COCH: variants seen among roughly 807,000 people sequenced by gnomAD.
COCH encodes cochlin.
In COCH, 40 loss-of-function variants were observed where a neutral mutation model predicts 54.8. The observed-to-expected ratio is 0.73, with a 90% CI of 0.57 to 0.95. COCH has a LOEUF of 0.95. COCH is among the 40% of genes least tolerant of loss of function. The pLI, the probability that COCH is intolerant of heterozygous loss-of-function variation, is 0.00. For synonymous variants in COCH, 256 were observed against 237.9 expected (o/e 1.08, Z -0.70); for missense variants, 605 against 675.0 (o/e 0.90, Z 1.15).
rs12101040 is a variant in COCH, at chr14:30,889,549, T to C, written c.1478-67T>C. 1.7e-3 allele frequency: 2,422 copies of C among 1,388,072 alleles called. 44 individuals are homozygous for C. The African/African-American group carries it at 0.029, about 17-fold the overall frequency. The allele number at this position is 1,388,072 out of a possible 1,614,324, so 86.0% of individuals were successfully genotyped here. A position where few individuals can be genotyped will look rare whatever the true frequency, so the allele number is the denominator to read the frequency against. ...ACTATGTAACAGTGTATGGAAAACA[T>C]ATAGACATAATTCCATATATTAGCT... On this transcript the variant is annotated intron_variant, in intron 11 of 11. Transcript: ENST00000396618.
intron 8 of COCH, among the ~76,000 whole-genome samples, chr14:30,882,267 T>A (rs993911067): frequency 6.6e-6 from 1 of 151,198 alleles, no homozygotes; most frequent in Admixed American, 6.6e-5. Flanking sequence ...GTAGCTGGGA[T>A]CACAGGTGTG....
Position 30,885,931 on chromosome 14 carries a change from G to T in COCH, c.1096G>T (p.Val366Leu), listed in dbSNP as rs1301236985. ...MMCSKTCYNS[V>L]NIAFLIDGSS... Reference sequence around the variant, plus strand: ...GTGCAGCAAGACCTGTTATAACTCAGTGAACATTGCCTTTCTAATTGATGG... The same window carrying T: ...GTGCAGCAAGACCTGTTATAACTCATTGAACATTGCCTTTCTAATTGATGG... The change falls in exon 11 of 12, where the codon GTG becomes TTG. Residue 366 changes from valine to leucine, a missense_variant. By Grantham distance (32) the Val-to-Leu change is conservative (BLOSUM62 1). Transcript: ENST00000396618. 1.2e-6 allele frequency: 2 copies of T among 1,614,102 alleles called. No homozygotes were observed. Among genetic ancestry groups the T allele is most frequent in the Non-Finnish European group, 1.7e-6 (2 of 1,180,044 alleles).
At chr14:30,880,346 G>T in intron 6 of COCH, 106 bp from the exon 7 acceptor site, 1 of 1,509,936 alleles carries the variant, frequency 6.6e-7, no homozygotes, top group Non-Finnish European at 9.0e-7. Flanking sequence ...TTTTAAAAAA[G>T]TCCTTTCAAG....
rs886050445 is a variant in COCH, at chr14:30,890,066, C to T, written c.*275C>T. On this transcript the variant is annotated 3_prime_UTR_variant, in exon 12 of 12. Transcript: ENST00000396618. ...AATGTGGATTAAAACCTTAAGAGTT[C>T]TAACCATGCCTACTAAATGTACAGA... The T allele has an allele frequency of 9.9e-6, 11 of 1,114,346 alleles. No individual in the cohort carries two copies. Among genetic ancestry groups the T allele is most frequent in the Non-Finnish European group, 1.2e-5 (11 of 909,402 alleles). The allele number at this position is 1,114,346 out of a possible 1,614,324, so 69.0% of individuals were successfully genotyped here. A position where few individuals can be genotyped will look rare whatever the true frequency, so the allele number is the denominator to read the frequency against.
In COCH at chr14:30,885,620, G is replaced by A. The variant is rs762762265; in HGVS notation, c.960G>A (p.Lys320=). The change falls in exon 10 of 12, where the codon AAG becomes AAA. Residue 320 remains lysine, a splice_region_variant and synonymous_variant. Transcript: ENST00000396618. ...GMVQDVTFVD[K]AVCRNNGFFS... is the part of the protein sequence containing the mutation. ...TTCAGGATGTCACATTTGTTGACAA[G>A]GTAAAGTGGTGAGGGTTATCTTCTG... The A allele has an allele frequency of 6.3e-7, 1 of 1,578,850 alleles. No homozygotes were observed. The highest frequency in any genetic ancestry group is 8.7e-7 in the Non-Finnish European group (1 of 1,147,966).
At chr14:30,889,484 G>A (rs999437486) in intron 11 of COCH, 132 bp from the exon 12 acceptor site, 25 of 791,996 alleles carry the variant, frequency 3.2e-5, no homozygotes, top group Non-Finnish European at 5.0e-5. Context: ...TTGTTCAGGG[G>A]ATTTAATTGT....
Position 30,877,645 on chromosome 14 carries a change from G to A in COCH, c.156G>A (p.Gly52=), listed in dbSNP as rs774167584. ...AGAAAGCAGATGTCCTCTGCCCAGG[G>A]GGCTGCCCTCTTGAGGAATTCTCTG... ...RKEKADVLCP[G]GCPLEEFSVY... is the part of the protein sequence containing the mutation. Residue 52 remains glycine, a synonymous_variant, in exon 4 of 12, where the codon GGG becomes GGA. Transcript: ENST00000396618. The surrounding 1 kb of genome is among the most constrained non-coding windows in gnomAD (Gnocchi z 8.6). 5.6e-6 allele frequency: 9 copies of A among 1,614,064 alleles called. No homozygotes were observed. Among genetic ancestry groups the A allele is most frequent in the Middle Eastern group, 1.6e-4 (1 of 6,084 alleles).
In COCH at chr14:30,880,438, A is replaced by G; in HGVS notation, c.437-14A>G. 1.2e-6 allele frequency: 2 copies of G among 1,613,732 alleles called. No individual in the cohort carries two copies. Among genetic ancestry groups the G allele is most frequent in the Non-Finnish European group, 1.7e-6 (2 of 1,179,746 alleles). ...TCTTCCTTTTGTTAATGCCAAGTGC[A>G]TCTTTTATTTCAGGTAAACGACTAA... On this transcript the variant is annotated splice_polypyrimidine_tract_variant and intron_variant, in intron 6 of 11. Coordinates refer to ENST00000396618, the MANE Select transcript of COCH (RefSeq NM_004086.3).
downstream of COCH, chr14:30,894,774 T>A: frequency 4.4e-6 from 1 of 225,328 alleles, no homozygotes. Flanking sequence ...AAAACTTCAA[T>A]ACAATCTTGA....
downstream of COCH, chr14:30,895,431 GAGCATC>G: frequency 6.2e-7 from 1 of 1,604,456 alleles, no homozygotes; most frequent in Non-Finnish European, 8.5e-7. Flanking sequence ...ACTTTGGCAA[GAGCATC>G]AGCTCCTGCA....
intron 5 of COCH, 99 bp from the exon 6 acceptor site, chr14:30,879,324 C>T (rs1895485632): frequency 1.7e-6 from 2 of 1,178,560 alleles, no homozygotes; most frequent in Admixed American, 1.9e-5. Flanking sequence ...ATCACCATTA[C>T]CCTATTACAT....
chr14:30,874,984 C>G lies in COCH; in HGVS notation c.34+12C>G. ...GGCTCTCGGCCTCGGTGGGTGCGCG[C>G]CCCTCACGACCCCGGCCCCTTGCTC... On this transcript the variant is annotated intron_variant, in intron 2 of 11. Coordinates refer to ENST00000396618, the MANE Select transcript of COCH (RefSeq NM_004086.3). 1 of 1,613,138 alleles carries G rather than the reference C, an allele frequency of 6.2e-7. No individual in the cohort carries two copies. The highest frequency in any genetic ancestry group is 8.5e-7 in the Non-Finnish European group (1 of 1,179,854).
In COCH at chr14:30,877,797, C is replaced by T; in HGVS notation, c.239+69C>T. 2 of 1,605,838 alleles carry T rather than the reference C, an allele frequency of 1.2e-6. No individual in the cohort carries two copies. Among genetic ancestry groups the T allele is most frequent in the African/African-American group, 1.4e-5 (1 of 73,108 alleles). On this transcript the variant is annotated intron_variant, in intron 4 of 11. Transcript: ENST00000396618. This position sits in a 1 kb window ranked among gnomAD's most constrained non-coding sequence, Gnocchi z 8.6. ...TTATTTCCTTTCCTGCTTTACCCAT[C>T]TGGATCCCTTTCCTCCCTGCATTCT...
At chr14:30,888,152 T>A (rs1895855419) in intron 11 of COCH, among the ~76,000 whole-genome samples, 1 of 151,868 alleles carries the variant, frequency 6.6e-6, no homozygotes, top group South Asian at 2.1e-4. Context: ...TAACTGTAAT[T>A]ATATGCTGGG....
chr14:30,890,235 A>G lies in COCH; in HGVS notation c.*444A>G. ...CAGCTCTTTAACATGGTTCAGGTACACATATTTTGACCCAAGTGGATATTT... is the reference window on the plus strand; with the variant it reads ...CAGCTCTTTAACATGGTTCAGGTACGCATATTTTGACCCAAGTGGATATTT... On this transcript the variant is annotated 3_prime_UTR_variant, in exon 12 of 12. Coordinates refer to ENST00000396618, the MANE Select transcript of COCH (RefSeq NM_004086.3). 15 of 987,190 alleles carry G rather than the reference A, an allele frequency of 1.5e-5. No individual in the cohort carries two copies. Among genetic ancestry groups the G allele is most frequent in the Non-Finnish European group, 1.8e-5 (15 of 831,036 alleles). The allele number at this position is 987,190 out of a possible 1,614,324, so 61.2% of individuals were successfully genotyped here.
chr14:30,890,229 A>G lies in COCH; in HGVS notation c.*438A>G, dbSNP rs1005344363. The G allele has an allele frequency of 1.0e-6, 1 of 987,820 alleles. No homozygotes were observed. The highest frequency in any genetic ancestry group is 1.7e-5 in the African/African-American group (1 of 57,278). The allele number at this position is 987,820 out of a possible 1,614,324, so 61.2% of individuals were successfully genotyped here. ...TGAACACAGCTCTTTAACATGGTTC[A>G]GGTACACATATTTTGACCCAAGTGG... On this transcript the variant is annotated 3_prime_UTR_variant, in exon 12 of 12. Transcript: ENST00000396618.
chr14:30,890,223 T>C lies in COCH; in HGVS notation c.*432T>C, dbSNP rs867385285. The C allele has an allele frequency of 7.9e-5, 78 of 990,074 alleles. No homozygotes were observed. In the Middle Eastern group the frequency reaches 1.6e-3, roughly 20 times the overall value. 61.3% of individuals were successfully genotyped at this position (990,074 alleles called of 1,614,324 possible). The stretch of plus-strand genomic sequence containing the variant: ...CTTAAATGAACACAGCTCTTTAACA[T>C]GGTTCAGGTACACATATTTTGACCC... On this transcript the variant is annotated 3_prime_UTR_variant, in exon 12 of 12. Coordinates refer to ENST00000396618, the MANE Select transcript of COCH (RefSeq NM_004086.3).
At chr14:30,892,258 ATATAC>A (rs2138907573), downstream of COCH, among the ~76,000 whole-genome samples, 1 of 152,212 alleles carries the variant, frequency 6.6e-6, no homozygotes, top group East Asian at 1.9e-4. Context: ...AAATAAACAT[ATATAC>A]TAATTTTTAT....
intron 3 of COCH, 151 bp downstream of exon 3, chr14:30,875,254 T>A: frequency 9.0e-7 from 1 of 1,107,036 alleles, no homozygotes; most frequent in Non-Finnish European, 1.3e-6. Flanking sequence ...GCGCCCGCGT[T>A]AACCCCTGCA....
Sources: gnomAD v4.1 joint callset for allele counts (sites outside exome capture counted in the v4.1 genomes callset) on GRCh38, gnomAD v4.1.1 for gene constraint, Gnocchi (gnomAD v3.1) non-coding constraint, MANE v1.5 for transcripts, NCBI Gene and HGNC (gene_info 2026-07-23, HGNC 2026-07-21) for gene names.